The following FAT2 variants were observed in gnomAD, a reference collection of about 807,000 sequenced individuals.
FAT2 encodes protocadherin Fat 2.
A neutral mutation model predicts 295.3 loss-of-function variants in FAT2; 150 were observed. That is an observed-to-expected ratio of 0.51 (90% CI 0.44 to 0.58). The LOEUF is 0.58. Among genes scored for constraint, FAT2 ranks in the 20% least tolerant of loss-of-function variants. The pLI is 0.00. For synonymous variants in FAT2, 2,026 were observed against 2,150.3 expected, an observed-to-expected ratio of 0.94 and a Z score of 1.60; for missense variants, 4,868 against 5,442.7, an observed-to-expected ratio of 0.89 and a Z score of 3.32.
Position 151,565,665 on chromosome 5 carries a change from C to CCCCCCCCCA in FAT2, c.3259+7_3259+8insTGGGGGGGG. On this transcript the variant is annotated splice_region_variant and intron_variant, in intron 2 of 23. Transcript: ENST00000261800. ...CCCTGGCACCCCACCCTACCCCACCCCCAGTACCTGTATCTTGGTTGATGC... is the reference window on the plus strand; with the variant it reads ...CCCTGGCACCCCACCCTACCCCACCCCCCCCCCCACCAGTACCTGTATCTTGGTTGATGC... The CCCCCCCCCA allele has an allele frequency of 6.3e-7, 1 of 1,575,806 alleles. No individual in the cohort carries two copies. The highest frequency in any genetic ancestry group is 8.6e-7 in the Non-Finnish European group (1 of 1,158,364).
chr5:151,565,657 ACCC>A lies in FAT2; in HGVS notation c.3259+13_3259+15del. 9.6e-7 allele frequency: 1 copy of A among 1,038,304 alleles called. No homozygotes were observed. Among genetic ancestry groups the A allele is most frequent in the East Asian group, 3.5e-5 (1 of 28,358 alleles). 64.3% of individuals were successfully genotyped at this position (1,038,304 alleles called of 1,614,324 possible). A position where few individuals can be genotyped will look rare whatever the true frequency, so the allele number is the denominator to read the frequency against. ...ACCTCTGGCCCTGGCACCCCACCCTACCCCACCCCCAGTACCTGTATCTTGGTT... is the reference window on the plus strand; with the variant it reads ...ACCTCTGGCCCTGGCACCCCACCCTACACCCCCAGTACCTGTATCTTGGTT... On this transcript the variant is annotated intron_variant, in intron 2 of 23. Coordinates refer to ENST00000261800, the MANE Select transcript of FAT2 (RefSeq NM_001447.3).
At chr5:151,522,201 G>A (rs1280082386) in intron 18 of FAT2, 115 bp from the exon 19 acceptor site, 2 of 782,336 alleles carry the variant, frequency 2.6e-6, no homozygotes, top group East Asian at 2.7e-5. Flanking sequence ...CAACTTGAGG[G>A]CTGGCTCAGC....
upstream of FAT2, among the ~76,000 whole-genome samples, chr5:151,593,644 G>C (rs1759494160): frequency 2.0e-5 from 3 of 152,070 alleles, no homozygotes; most frequent in Admixed American, 2.0e-4. Context: ...TGTTGGTATA[G>C]CTCATATTCC....
intron 12 of FAT2, 41 bp from the exon 13 acceptor site, chr5:151,534,683 A>C: frequency 1.3e-6 from 2 of 1,552,344 alleles, no homozygotes; most frequent in Admixed American, 1.7e-5. Context: ...TCTCTGGGGA[A>C]ATATTACCCA....
intron 10 of FAT2, 71 bp downstream of exon 10, chr5:151,542,214 T>C (rs1756218978): frequency 2.0e-6 from 3 of 1,469,616 alleles, no homozygotes; most frequent in Non-Finnish European, 2.7e-6. Flanking sequence ...CATGAACCCA[T>C]TTTAGGGCAC....
At chr5:151,587,865 T>A (rs188012626) in intron 1 of FAT2, among the ~76,000 whole-genome samples, 36 of 152,306 alleles carry the variant, frequency 2.4e-4, no homozygotes, top group African/African-American at 7.7e-4. Context: ...ATGTGGGCAG[T>A]TGTGCAGAGT....
At chr5:151,556,138 C>T in intron 4 of FAT2, 1 of 586,972 alleles carries the variant, frequency 1.7e-6, no homozygotes, top group Non-Finnish European at 3.1e-6. Context: ...GGTGCCTACC[C>T]AGCCTGGGCA....
At chr5:151,551,707 A>G in intron 6 of FAT2, 101 bp from the exon 7 acceptor site, 1 of 1,245,480 alleles carries the variant, frequency 8.0e-7, no homozygotes, top group Non-Finnish European at 1.1e-6. Context: ...ACGGTGGTAA[A>G]TTCCACAGTA....
Position 151,549,369 on chromosome 5 carries a change from G to T in FAT2, c.4715C>A (p.Thr1572Lys). 1 of 1,614,044 alleles carries T rather than the reference G, an allele frequency of 6.2e-7. No individual in the cohort carries two copies. The highest frequency in any genetic ancestry group is 8.5e-7 in the Non-Finnish European group (1 of 1,180,030). The change falls in exon 9 of 24, where the codon ACA becomes AAA. Residue 1572 changes from threonine (T) to lysine (K), a missense_variant. Thr to Lys is a moderately conservative substitution (Grantham distance 78). Transcript: ENST00000261800. ...CATGGCTCGGACCTGCAGCAGCTCT[G>T]TGCCGGGGGCTATGGTGTCAGGAAC... is the stretch of plus-strand genomic sequence containing the variant. ...ASVPDTIAPG[T>K]ELLQVRAMDA...
In FAT2 at chr5:151,543,412, T is replaced by C; in HGVS notation, c.7715A>G (p.Lys2572Arg). The change falls in exon 10 of 24, where the codon AAG (lysine) becomes AGG (arginine). Residue 2572 changes from lysine (K) to arginine (R), a missense_variant. By Grantham distance (26) the Lys-to-Arg change is conservative. Coordinates refer to ENST00000261800, the MANE Select transcript of FAT2 (RefSeq NM_001447.3). The stretch of plus-strand genomic sequence containing the variant: ...GTCATTTTCATCTGTGAGGATGATC[T>C]TCACCGTGCAGAAGGCTACTCTTCC... Reference protein sequence around the residue: ...GGGRVAFCTVKIILTDENDNP... With the variant: ...GGGRVAFCTVRIILTDENDNP... 6.2e-7 allele frequency: 1 copy of C among 1,614,066 alleles called. No individual in the cohort carries two copies. The highest frequency in any genetic ancestry group is 1.1e-5 in the South Asian group (1 of 91,066).
chr5:151,540,010 G>A (rs1256598557), intron 11 of FAT2, among the ~76,000 whole-genome samples: 1 of 152,232 alleles, frequency 6.6e-6, no homozygotes, highest in East Asian at 1.9e-4. Context: ...TTTGTCTGGG[G>A]TCAGGTCTCT....
At chr5:151,573,457 C>G (rs1211032955) in intron 1 of FAT2, among the ~76,000 whole-genome samples, 3 of 152,026 alleles carry the variant, frequency 2.0e-5, no homozygotes, top group African/African-American at 7.2e-5. Context: ...AGATGAAGAC[C>G]ATCCTGGCCA....
At chr5:151,510,427 AC>A in intron 21 of FAT2, 1 of 390,454 alleles carries the variant, frequency 2.6e-6, no homozygotes, top group Non-Finnish European at 4.8e-6. Flanking sequence ...CAGGATAACA[AC>A]CATAGACACT....
intron 1 of FAT2, 89 bp from the exon 2 acceptor site, chr5:151,569,040 T>A (rs1758419265): frequency 7.8e-7 from 1 of 1,276,404 alleles, no homozygotes; most frequent in Admixed American, 2.6e-5. Context: ...ATTTTGACCC[T>A]CAAGGGACAC....
chr5:151,563,657 G>T lies in FAT2; in HGVS notation c.3260-18C>A. On this transcript the variant is annotated intron_variant, in intron 2 of 23. Coordinates refer to ENST00000261800, the MANE Select transcript of FAT2 (RefSeq NM_001447.3). ...AATCATTCCTAGGGACAGTAAGTCA[G>T]CAAACCCAAAATACTTTAGAGCTCA... 6.2e-7 allele frequency: 1 copy of T among 1,605,928 alleles called. No homozygotes were observed. The highest frequency in any genetic ancestry group is 8.5e-7 in the Non-Finnish European group (1 of 1,177,054).
chr5:151,567,251 G>A lies in FAT2; in HGVS notation c.1681C>T (p.Gln561Ter). Residue 561 changes from glutamine (Q) to a stop codon, truncating the protein, a stop_gained, in exon 2 of 24, where the codon CAG becomes TAG. Transcript: ENST00000261800. LOFTEE classifies it high-confidence loss of function. ...CAGTTGACTTCTTCAAACATAGGCT[G>A]GTTGTCATTCAAGTTCCTGAGCTGA... is the stretch of plus-strand genomic sequence containing the variant. The part of the protein sequence containing the change: ...FLQLRNLNDN[Q>*]PMFEEVNCTG... The A allele has an allele frequency of 6.2e-7, 1 of 1,614,174 alleles. No individual in the cohort carries two copies. Among genetic ancestry groups the A allele is most frequent in the Non-Finnish European group, 8.5e-7 (1 of 1,180,038 alleles).
rs1362284667 is a variant in FAT2, at chr5:151,563,327, G to T, written c.3572C>A (p.Thr1191Lys). The change falls in exon 3 of 24, where the codon ACA (threonine) becomes AAA (lysine). Residue 1191 changes from threonine to lysine, a missense_variant and splice_region_variant. Coordinates refer to ENST00000261800, the MANE Select transcript of FAT2 (RefSeq NM_001447.3). ...CACCCAGCTTTTTGGATCCTTACCT[G>T]TAACAGGGTGAATCATAAAGAATCC... ...YMGFFMIHPV[T>K]GLLSTAQQLD... 4 of 1,613,806 alleles carry T rather than the reference G, an allele frequency of 2.5e-6. No individual in the cohort carries two copies. The Admixed American group carries it at 6.7e-5, about 27-fold the overall frequency.
chr5:151,581,908 C>A (rs1189890352), intron 1 of FAT2, among the ~76,000 whole-genome samples: 1 of 152,218 alleles, frequency 6.6e-6, no homozygotes, highest in Non-Finnish European at 1.5e-5. Flanking sequence ...GGTTTCATTT[C>A]CAGTCTTCCC....
At chr5:151,571,701 G>C (rs1758533830) in intron 1 of FAT2, among the ~76,000 whole-genome samples, 1 of 152,260 alleles carries the variant, frequency 6.6e-6, no homozygotes, top group Non-Finnish European at 1.5e-5. Flanking sequence ...CCCAGGTTTA[G>C]ATGAGTGAAC....
Sources: gnomAD v4.1 joint callset for allele counts (sites outside exome capture counted in the v4.1 genomes callset) on GRCh38, gnomAD v4.1.1 for gene constraint, MANE v1.5 for transcripts, NCBI Gene and HGNC (gene_info 2026-07-23, HGNC 2026-07-21) for gene names.